Variants in TLL2 observed in about 807,000 individuals in gnomAD.
TLL2 encodes tolloid like 2, also known as tolloid-like protein 2.
TLL2 carries 106 observed loss-of-function variants against 123.0 expected under a neutral mutation model. The observed-to-expected ratio is 0.86, with a 90% CI of 0.74 to 1.01. TLL2 has a LOEUF of 1.01. Among genes scored for constraint, TLL2 ranks in the 50% least tolerant of loss-of-function variants. TLL2 has a pLI of 0.00. For synonymous variants in TLL2, 494 were observed against 516.8 expected, an observed-to-expected ratio of 0.96 and a Z score of 0.60; for missense variants, 1,332 against 1,336.7, an observed-to-expected ratio of 1.00 and a Z score of 0.06.
At chr10:96,431,322 A>T (rs1846737424) in intron 4 of TLL2, among the ~76,000 whole-genome samples, 4 of 152,314 alleles carry the variant, frequency 2.6e-5, no homozygotes, top group South Asian at 4.1e-4. Flanking sequence ...CCGTGGGTTA[A>T]TGCTGCGGGA....
intron 17 of TLL2, 96 bp from the exon 18 acceptor site, chr10:96,376,915 T>C (rs1205847431): frequency 2.2e-6 from 3 of 1,347,878 alleles, no homozygotes; most frequent in Non-Finnish European, 1.9e-6. Context: ...TCTCTCCTAA[T>C]TGTCTCAGGG....
At position 96,472,491 on chromosome 10, in the gene TLL2, G is replaced by A. The variant is rs117211294; in HGVS notation, c.286+7858C>T. Among the ~76,000 whole-genome samples the A allele has an allele frequency of 6.5e-3, 983 of 152,350 alleles. 7 individuals are homozygous for A. The highest frequency in any genetic ancestry group is 0.011 in the Non-Finnish European group (748 of 68,040). On this transcript the variant is annotated intron_variant, in intron 2 of 20. Coordinates refer to ENST00000357947, the MANE Select transcript of TLL2 (RefSeq NM_012465.4). ...GAGCCTCAAAGTTGGGCTGAGTGCAGTGGCTCGCACTTATAATCCCAATAC... is the reference window on the plus strand; with the variant it reads ...GAGCCTCAAAGTTGGGCTGAGTGCAATGGCTCGCACTTATAATCCCAATAC...
chr10:96,455,374 C>T (rs1238325727), intron 2 of TLL2, among the ~76,000 whole-genome samples: 1 of 152,150 alleles, frequency 6.6e-6, no homozygotes. Flanking sequence ...TTGTCAGAGG[C>T]GTTTGAATCA....
chr10:96,476,240 A>ATATTTTTTTTTTTTT, intron 2 of TLL2, among the ~76,000 whole-genome samples: 1 of 20,488 alleles, frequency 4.9e-5, no homozygotes, highest in Non-Finnish European at 1.0e-4. Context: ...ATATATATAT[A>ATATTTTTTTTTTTTT]TTTTATTTTT....
rs538411553 is a variant in TLL2 at position 96,410,928 on chromosome 10, G to A, written c.1049-454C>T. Among the ~76,000 whole-genome samples, 246 of 152,154 alleles carry A rather than the reference G, an allele frequency of 1.6e-3. 1 individual carries two copies. Among genetic ancestry groups the A allele is most frequent in the African/African-American group, 5.0e-3 (207 of 41,496 alleles). ...CATTATTATTGCTAATAATAATATC[G>A]GTGGCAGAGAGAACATGAAAATGCA... On this transcript the variant is annotated intron_variant, in intron 8 of 20. Coordinates refer to ENST00000357947, the MANE Select transcript of TLL2 (RefSeq NM_012465.4).
At chr10:96,417,061 G>A (rs2134073362) in intron 7 of TLL2, among the ~76,000 whole-genome samples, 1 of 152,320 alleles carries the variant, frequency 6.6e-6, no homozygotes, top group East Asian at 1.9e-4. Flanking sequence ...GTTGGAAGGA[G>A]ACAGCTCAAT....
rs3827864 is a variant in TLL2, at chr10:96,378,711, G to A, written c.2320+256C>T. ...CGGCAGAGCCAGGATTTAGACCTAG[G>A]TAATTGGATTCCAGAGCCTGCAGGC... On this transcript the variant is annotated intron_variant, in intron 17 of 20. Coordinates refer to ENST00000357947, the MANE Select transcript of TLL2 (RefSeq NM_012465.4). Among the ~76,000 whole-genome samples, 805 of 152,304 alleles carry A rather than the reference G, an allele frequency of 5.3e-3. 26 individuals carry two copies. The highest frequency in any genetic ancestry group is 0.031 in the Admixed American group (473 of 15,304).
chr10:96,513,390 C>G, intron 1 of TLL2, 121 bp downstream of exon 1: 5 of 1,252,216 alleles, frequency 4.0e-6, no homozygotes, highest in Non-Finnish European at 5.5e-6. Flanking sequence ...CCGGGGGAGC[C>G]GGGGATCTCA....
chr10:96,404,860 AT>A (rs1846434464), intron 10 of TLL2, among the ~76,000 whole-genome samples: 1 of 152,128 alleles, frequency 6.6e-6, no homozygotes, highest in Non-Finnish European at 1.5e-5. Flanking sequence ...CTACAACTTC[AT>A]TTTTAATGGC....
At chr10:96,374,043 C>A in intron 18 of TLL2, 1 of 532,976 alleles carries the variant, frequency 1.9e-6, no homozygotes, top group Non-Finnish European at 3.4e-6. Flanking sequence ...TGAGCTATTG[C>A]TACAATGACC....
chr10:96,476,248 T>TTTGTTGTTGTTGTTG lies in TLL2; in HGVS notation c.286+4086_286+4100dup, dbSNP rs1554939655. 2.0e-4 allele frequency among the ~76,000 whole-genome samples: 14 copies of TTTGTTGTTGTTGTTG among 69,238 alleles called. 1 individual carries two copies. Among genetic ancestry groups the TTTGTTGTTGTTGTTG allele is most frequent in the African/African-American group, 7.5e-4 (12 of 16,068 alleles). The allele number at this position is 69,238 out of a possible 152,430, so 45.4% of individuals were successfully genotyped here. A position where few individuals can be genotyped will look rare whatever the true frequency, so the allele number is the denominator to read the frequency against. ...TATATATATATATATATATTTTATT[T>TTTGTTGTTGTTGTTG]TTGTTGTTGTTGTTGTTGTTGAGAC... On this transcript the variant is annotated intron_variant, in intron 2 of 20. Coordinates refer to ENST00000357947, the MANE Select transcript of TLL2 (RefSeq NM_012465.4).
intron 13 of TLL2, 91 bp from the exon 14 acceptor site, chr10:96,387,169 G>T: frequency 1.3e-6 from 2 of 1,550,912 alleles, no homozygotes; most frequent in Non-Finnish European, 1.8e-6. Context: ...ACCAGCAAGT[G>T]TCCTCTAATA....
At chr10:96,412,697 AT>A (rs1846518678) in intron 8 of TLL2, among the ~76,000 whole-genome samples, 1 of 152,190 alleles carries the variant, frequency 6.6e-6, no homozygotes, top group Non-Finnish European at 1.5e-5. Context: ...CAACAAGCTC[AT>A]TAATAGCACT....
chr10:96,404,002 C>T (rs371337700), intron 10 of TLL2, among the ~76,000 whole-genome samples: 2,346 of 152,074 alleles, frequency 0.015, 53 homozygotes, highest in African/African-American at 0.053. Flanking sequence ...TTCTTTTGCT[C>T]ACATGTTTGT....
chr10:96,489,568 G>A (rs954842413), intron 1 of TLL2, among the ~76,000 whole-genome samples: 5 of 152,032 alleles, frequency 3.3e-5, no homozygotes, highest in African/African-American at 9.7e-5. Flanking sequence ...GAAAGAAAGC[G>A]ATCCCATCAA....
chr10:96,384,813 C>T lies in TLL2; in HGVS notation c.2014-46G>A, dbSNP rs770778115. The T allele has an allele frequency of 4.6e-6, 7 of 1,516,876 alleles. 1 individual carries two copies. The highest frequency in any genetic ancestry group is 3.9e-5 in the Admixed American group (2 of 51,866). 94.0% of individuals were successfully genotyped at this position (1,516,876 alleles called of 1,614,324 possible). On this transcript the variant is annotated intron_variant, in intron 15 of 20. Transcript: ENST00000357947. The stretch of plus-strand genomic sequence containing the variant: ...GAGCTTCCCAGAGTCCCTGTCCCCA[C>T]CCCAGACCCCCAGCACACTGCTGCA...
chr10:96,413,794 T>C (rs2134071681), intron 7 of TLL2, among the ~76,000 whole-genome samples: 2 of 152,214 alleles, frequency 1.3e-5, no homozygotes, highest in East Asian at 3.9e-4. Context: ...GAATTGGTGG[T>C]CCCAGTTTGG....
chr10:96,428,812 T>A (rs553413748), intron 4 of TLL2, 64 bp from the exon 5 acceptor site: 24 of 1,149,782 alleles, frequency 2.1e-5, no homozygotes, highest in Middle Eastern at 2.0e-4. Flanking sequence ...GATGCTTTTT[T>A]TTTTCTTTCA....
intron 1 of TLL2, among the ~76,000 whole-genome samples, chr10:96,486,715 A>G (rs1371441392): frequency 6.6e-6 from 1 of 152,158 alleles, no homozygotes; most frequent in Non-Finnish European, 1.5e-5. Flanking sequence ...ACTCCCTTGA[A>G]CCATCTGTAG....
Sources: gnomAD v4.1 joint callset for allele counts (sites outside exome capture counted in the v4.1 genomes callset) on GRCh38, gnomAD v4.1.1 for gene constraint, MANE v1.5 for transcripts, NCBI Gene and HGNC (gene_info 2026-07-23, HGNC 2026-07-21) for gene names.